Variants in WDFY3 observed in about 807,000 individuals in gnomAD.
The protein encoded by WDFY3 is WD repeat and FYVE domain containing 3.
Under a neutral mutation model 409.6 loss-of-function variants are expected in WDFY3, and 66 were observed. The observed-to-expected ratio is 0.16, with a 90% CI of 0.13 to 0.20. The LOEUF is 0.20. Ranked by LOEUF, WDFY3 falls within the 10% of genes least tolerant of loss-of-function variation. WDFY3 has a pLI of 1.00. For missense variants in WDFY3, 3,031 were observed against 4,298.1 expected (o/e 0.71, Z 8.24); for synonymous variants, 1,521 against 1,537.1 (o/e 0.99, Z 0.25).
intron 2 of WDFY3, among the ~76,000 whole-genome samples, chr4:84,912,887 C>T (rs1045116585): frequency 3.3e-5 from 5 of 152,090 alleles, no homozygotes; most frequent in Admixed American, 6.6e-5. Context: ...GTGTCCTCAT[C>T]GACAAAGCTG....
intron 63 of WDFY3, among the ~76,000 whole-genome samples, chr4:84,683,633 C>T (rs1385479139): frequency 6.6e-6 from 1 of 152,168 alleles, no homozygotes; most frequent in Non-Finnish European, 1.5e-5. Context: ...AGGCTGAAAA[C>T]CCAGTACTTC....
chr4:84,955,528 A>T (rs1382658075), intron 1 of WDFY3, among the ~76,000 whole-genome samples: 2 of 152,170 alleles, frequency 1.3e-5, no homozygotes, highest in African/African-American at 2.4e-5. Flanking sequence ...GTATTTTCCA[A>T]CATTTTTCAA....
chr4:84,931,030 TCTTA>T (rs1157550738), intron 2 of WDFY3, among the ~76,000 whole-genome samples: 2 of 152,334 alleles, frequency 1.3e-5, no homozygotes, highest in Admixed American at 1.3e-4. Context: ...ATTGTTAATC[TCTTA>T]CTGTGTCTAA....
chr4:84,778,708 TACAC>T (rs1302403105), intron 26 of WDFY3, 53 bp from the exon 27 acceptor site: 3 of 1,559,918 alleles, frequency 1.9e-6, no homozygotes, highest in Non-Finnish European at 2.6e-6. Context: ...ATATATTCAT[TACAC>T]ACACACAAAC....
intron 15 of WDFY3, among the ~76,000 whole-genome samples, chr4:84,804,463 C>A (rs1463385419): frequency 6.6e-6 from 1 of 152,188 alleles, no homozygotes; most frequent in African/African-American, 2.4e-5. Context: ...CTCTTTTTAA[C>A]AGGGATTCTA....
intron 47 of WDFY3, 58 bp downstream of exon 47, chr4:84,721,351 T>C (rs1446921491): frequency 6.3e-7 from 1 of 1,589,040 alleles, no homozygotes; most frequent in Non-Finnish European, 8.6e-7. Flanking sequence ...CAACTCATCT[T>C]GTCTTAATAA....
chr4:84,916,026 T>C (rs978855199), intron 2 of WDFY3, among the ~76,000 whole-genome samples: 6 of 152,212 alleles, frequency 3.9e-5, no homozygotes, highest in African/African-American at 1.4e-4. Context: ...TAGAACCTTG[T>C]CATATATTTA....
intron 13 of WDFY3, among the ~76,000 whole-genome samples, chr4:84,813,292 G>A (rs1752792970): frequency 6.6e-6 from 1 of 152,086 alleles, no homozygotes. Flanking sequence ...GCCAGAGCTA[G>A]CTCATACCGG....
chr4:84,854,632 A>C (rs1011040053), intron 4 of WDFY3, among the ~76,000 whole-genome samples: 1 of 152,158 alleles, frequency 6.6e-6, no homozygotes, highest in African/African-American at 2.4e-5. Context: ...GTTCTAGGCC[A>C]GGTATGGTGG....
rs1763215526 is a variant in WDFY3, at chr4:84,879,576, A to G, written c.-32+17335T>C. On this transcript the variant is annotated intron_variant, in intron 3 of 67. Coordinates refer to ENST00000295888, the MANE Select transcript of WDFY3 (RefSeq NM_014991.6). ...AAAGTACAACCTCAGGTTAAGGAAG[A>G]AATGTCTTAAAATGAAACAAAACAA... The G allele has an allele frequency of 2.0e-5, 3 of 152,102 alleles. No individual in the cohort carries two copies. The South Asian group carries it at 6.2e-4, about 31-fold the overall frequency. The allele number at this position is 152,102 out of a possible 1,614,324, so 9.4% of individuals were successfully genotyped here.
intron 4 of WDFY3, among the ~76,000 whole-genome samples, chr4:84,851,379 C>T (rs1422573403): frequency 6.6e-6 from 1 of 152,112 alleles, no homozygotes; most frequent in Admixed American, 6.5e-5. Context: ...TACTCAACTT[C>T]ATATTCTCCC....
In WDFY3 at chr4:84,860,366, G is replaced by A. The variant is rs771000399; in HGVS notation, c.180+46C>T. ...TACCAGTAACCTTCAGATTCTTGTA[G>A]TGCCCCCCAGTCCCGGAAGGTGTGT... On this transcript the variant is annotated intron_variant, in intron 4 of 67. Transcript: ENST00000295888. The A allele has an allele frequency of 6.4e-6, 10 of 1,550,552 alleles. No individual in the cohort carries two copies. In the African/African-American group the frequency reaches 1.4e-4, roughly 21 times the overall value.
intron 36 of WDFY3, among the ~76,000 whole-genome samples, chr4:84,750,288 T>C (rs1364296832): frequency 1.3e-5 from 2 of 152,180 alleles, no homozygotes; most frequent in Non-Finnish European, 2.9e-5. Context: ...AAACCAATTA[T>C]TCTCCTGCCA....
chr4:84,818,134 C>T (rs918788411), intron 12 of WDFY3, among the ~76,000 whole-genome samples: 1 of 152,132 alleles, frequency 6.6e-6, no homozygotes, highest in African/African-American at 2.4e-5. Flanking sequence ...CACAGATTGA[C>T]TTACTTAATA....
rs1335016446 is a variant in WDFY3, at chr4:84,741,862, C to G, written c.6133G>C (p.Val2045Leu). ...ACCACACGCTGTGTGAAATAAAACA[C>G]ATTGTTCACCAATACCTGGTAGCTT... ...GGSYQVLVNN[V>L]FYFTQRVVDK... Residue 2045 changes from valine (V) to leucine (L), a missense_variant, in exon 38 of 68, where the codon GTG becomes CTG. This residue lies in a region of WDFY3 where 314 missense variants were observed against 397.4 expected (regional missense o/e 0.79). Transcript: ENST00000295888. 3 of 1,612,382 alleles carry G rather than the reference C, an allele frequency of 1.9e-6. No homozygotes were observed. The highest frequency in any genetic ancestry group is 2.5e-6 in the Non-Finnish European group (3 of 1,178,800).
At chr4:84,913,644 G>A (rs1038672770) in intron 2 of WDFY3, among the ~76,000 whole-genome samples, 1 of 151,714 alleles carries the variant, frequency 6.6e-6, no homozygotes, top group South Asian at 2.1e-4. Context: ...GAAGGGTTCC[G>A]ATTATCCAAG....
chr4:84,778,457 A>G (rs1745931100), intron 27 of WDFY3, 46 bp downstream of exon 27: 1 of 1,461,428 alleles, frequency 6.8e-7, no homozygotes, highest in Admixed American at 2.5e-5. Context: ...TGGAGTAAGA[A>G]ATGCATTCAT....
chr4:84,894,088 A>T (rs981631672), intron 3 of WDFY3, among the ~76,000 whole-genome samples: 29 of 152,246 alleles, frequency 1.9e-4, no homozygotes, highest in Non-Finnish European at 3.4e-4. Flanking sequence ...ACTATAGTAA[A>T]TTTCTACCAT....
intron 54 of WDFY3, among the ~76,000 whole-genome samples, chr4:84,704,715 T>C (rs1316644528): frequency 6.6e-6 from 1 of 152,222 alleles, no homozygotes; most frequent in East Asian, 1.9e-4. Flanking sequence ...CTATAATAGT[T>C]AACCCTTAAT....
Sources: gnomAD v4.1 joint callset for allele counts (sites outside exome capture counted in the v4.1 genomes callset) on GRCh38, gnomAD v4.1.1 for gene constraint, gnomAD v4.1.1 regional missense constraint, MANE v1.5 for transcripts, NCBI Gene and HGNC (gene_info 2026-07-23, HGNC 2026-07-21) for gene names.